CLCC1: variants seen among roughly 807,000 people sequenced by gnomAD.
CLCC1 encodes the protein chloride channel CLIC like 1, also known as chloride channel CLIC-like protein 1.
A neutral mutation model predicts 63.3 loss-of-function variants in CLCC1; 39 were observed. That is an observed-to-expected ratio of 0.62 (90% confidence interval 0.48 to 0.81). The LOEUF (loss-of-function observed/expected upper bound fraction) is 0.81. Ranked by LOEUF, CLCC1 falls within the 30% of genes least tolerant of loss-of-function variation. CLCC1 has a pLI of 0.00. For synonymous variants in CLCC1, 217 were observed against 239.8 expected, an observed-to-expected ratio of 0.90 and a Z score of 0.88; for missense variants, 549 against 669.4, an observed-to-expected ratio of 0.82 and a Z score of 1.98.
intron 2 of CLCC1, among the ~76,000 whole-genome samples, chr1:108,956,218 G>T (rs1655872511): frequency 6.6e-6 from 1 of 151,394 alleles, no homozygotes; most frequent in Admixed American, 6.6e-5. Flanking sequence ...AGCCATGTGG[G>T]TGAGCCATCT....
At chr1:108,938,948 CTG>C (rs1365632658) in intron 10 of CLCC1, among the ~76,000 whole-genome samples, 4 of 151,852 alleles carry the variant, frequency 2.6e-5, no homozygotes, top group African/African-American at 7.3e-5. Context: ...TATAATATGT[CTG>C]TATCATTTAG....
intron 5 of CLCC1, among the ~76,000 whole-genome samples, chr1:108,945,746 T>C (rs1654451206): frequency 6.6e-6 from 1 of 152,240 alleles, no homozygotes; most frequent in South Asian, 2.1e-4. Flanking sequence ...AAATAATGGG[T>C]TTCCATAAAT....
intron 5 of CLCC1, 72 bp from the exon 6 acceptor site, chr1:108,944,129 C>T: frequency 9.0e-7 from 1 of 1,108,852 alleles, no homozygotes. Context: ...CATTTTAAGA[C>T]AAAAGCCAAT....
At chr1:108,939,811 T>G (rs1324177921) in intron 9 of CLCC1, 29 bp from the exon 10 acceptor site, 1 of 1,608,376 alleles carries the variant, frequency 6.2e-7, no homozygotes, top group African/African-American at 1.3e-5. Flanking sequence ...AACTTAATTT[T>G]CTCCTCACAG....
rs774017563 is a variant in CLCC1 at position 108,940,155 on chromosome 1, A to G, written c.797-13T>C. On this transcript the variant is annotated splice_polypyrimidine_tract_variant and intron_variant, in intron 8 of 12. Coordinates refer to ENST00000369969, the MANE Select transcript of CLCC1 (RefSeq NM_001377458.1). ...CTTCTAAACCATTCTGTTTAGAGAAACAGACAAAACACTGATCATTTCTTT... is the reference window on the plus strand; with the variant it reads ...CTTCTAAACCATTCTGTTTAGAGAAGCAGACAAAACACTGATCATTTCTTT... The G allele has an allele frequency of 5.3e-6, 8 of 1,501,526 alleles. No homozygotes were observed. The African/African-American group carries it at 1.1e-4, about 21-fold the overall frequency. The allele number at this position is 1,501,526 out of a possible 1,614,324, so 93.0% of individuals were successfully genotyped here.
chr1:108,936,137 G>C (rs1227613040), intron 11 of CLCC1, among the ~76,000 whole-genome samples: 3 of 131,682 alleles, frequency 2.3e-5, no homozygotes, highest in African/African-American at 8.6e-5. Context: ...CTGTCACCCA[G>C]GCTGGAGTGC....
intron 7 of CLCC1, among the ~76,000 whole-genome samples, chr1:108,941,779 G>T (rs170929): frequency 3.2e-4 from 49 of 151,974 alleles, no homozygotes; most frequent in Admixed American, 1.6e-3. Context: ...TCAGCTTCCC[G>T]AGTAGCTGGG....
chr1:108,936,095 T>G (rs999958037), intron 11 of CLCC1, among the ~76,000 whole-genome samples: 4 of 143,858 alleles, frequency 2.8e-5, no homozygotes, highest in Non-Finnish European at 4.6e-5. Flanking sequence ...GTTTTTTTTT[T>G]TTTTTTTTTT....
Position 108,934,674 on chromosome 1 carries a change from C to A in CLCC1, c.1652G>T (p.Gly551Val). Reference protein sequence around the residue: ...RGQDPVSSPCG With the variant: ...RGQDPVSSPCV ...GTCGTTTGTGCTGGTGTTCCTCTAG[C>A]CACAGGGGCTGCTGACCGGATCCTG... is the stretch of plus-strand genomic sequence containing the variant. The change falls in exon 12 of 13, where the codon GGC (glycine) becomes GTC (valine). Residue 551 changes from glycine to valine, a missense_variant. Coordinates refer to ENST00000369969, the MANE Select transcript of CLCC1 (RefSeq NM_001377458.1). The A allele has an allele frequency of 6.2e-7, 1 of 1,612,420 alleles. No homozygotes were observed. The highest frequency in any genetic ancestry group is 8.5e-7 in the Non-Finnish European group (1 of 1,179,476).
rs751417301 is a variant in CLCC1 at position 108,939,698 on chromosome 1, T to A, written c.979A>T (p.Met327Leu). ...KGTGEFIKALMKEIPALLHLP... is the reference protein window; with the variant it reads ...KGTGEFIKALLKEIPALLHLP... The stretch of plus-strand genomic sequence containing the variant: ...TGAAGCAGCGCTGGAATTTCCTTCA[T>A]GAGTGCTTTAATAAATTCCCCAGTT... The change falls in exon 10 of 13, where the codon ATG becomes TTG. Residue 327 changes from methionine (M) to leucine (L), a missense_variant. Transcript: ENST00000369969. 10 of 1,614,196 alleles carry A rather than the reference T, an allele frequency of 6.2e-6. No individual in the cohort carries two copies. The highest frequency in any genetic ancestry group is 3.3e-5 in the Admixed American group (2 of 60,010).
rs546507960 is a variant in CLCC1 at position 108,957,312 on chromosome 1, C to T, written c.-12+4997G>A. On this transcript the variant is annotated intron_variant, in intron 2 of 12. Coordinates refer to ENST00000369969, the MANE Select transcript of CLCC1 (RefSeq NM_001377458.1). ...AATAGTTAAGTTCTAGCCAACCCAA[C>T]GGATAGAAGGGATATGCACCACATC... Among the ~76,000 whole-genome samples, 29 of 151,488 alleles carry T rather than the reference C, an allele frequency of 1.9e-4. 1 individual carries two copies. The highest frequency in any genetic ancestry group is 3.4e-3 in the Middle Eastern group (1 of 294).
chr1:108,934,943 C>CT lies in CLCC1; in HGVS notation c.1384-2dup, dbSNP rs756982676. 1.9e-6 allele frequency: 3 copies of CT among 1,595,770 alleles called. No individual in the cohort carries two copies. In the South Asian group the frequency reaches 3.4e-5, roughly 18 times the overall value. ...TTGTATCCAAAACAGGTGATTTATG[C>CT]TATAAAGTACAAAATTACATTTTAA... On this transcript the variant is annotated splice_acceptor_variant, in intron 11 of 12. Transcript: ENST00000369969. LOFTEE classifies it high-confidence loss of function.
chr1:108,937,733 T>C (rs1156703541), intron 10 of CLCC1, among the ~76,000 whole-genome samples: 1 of 152,250 alleles, frequency 6.6e-6, no homozygotes, highest in Non-Finnish European at 1.5e-5. Context: ...TAATTATTCA[T>C]GTTTCTAGAT....
In CLCC1 at chr1:108,929,830, C is replaced by G. The variant is rs1651600532; in HGVS notation, c.*2717G>C. 8 of 1,614,024 alleles carry G rather than the reference C, an allele frequency of 5.0e-6. No individual in the cohort carries two copies. The highest frequency in any genetic ancestry group is 6.8e-6 in the Non-Finnish European group (8 of 1,179,952). ...AAAGAGAATGGATGAACAGAGAGTT[C>G]TTTTACAAAGAGATCAAAACAGAGA... is the stretch of plus-strand genomic sequence containing the variant. On this transcript the variant is annotated 3_prime_UTR_variant, in exon 13 of 13. Coordinates refer to ENST00000369969, the MANE Select transcript of CLCC1 (RefSeq NM_001377458.1).
intron 4 of CLCC1, among the ~76,000 whole-genome samples, chr1:108,948,650 GAAA>G (rs61417692): frequency 7.2e-6 from 1 of 138,070 alleles, no homozygotes. Context: ...AACAACTTAG[GAAA>G]AAAAAAAAAA....
At position 108,944,009 on chromosome 1, in the gene CLCC1, T is replaced by C. The variant is rs1479028137; in HGVS notation, c.388A>G (p.Lys130Glu). Reference protein sequence around the residue: ...DMHYDAEIILKRETLLEIQKF... With the variant: ...DMHYDAEIILERETLLEIQKF... ...TGTATTTCTAACAAAGTTTCTCTTT[T>C]AAGGATAATCTCAGCATCATAATGC... Residue 130 changes from lysine to glutamate, a missense_variant, in exon 6 of 13, where the codon AAA becomes GAA. Physicochemically the swap from Lys to Glu is moderately conservative, Grantham distance 56. Coordinates refer to ENST00000369969, the MANE Select transcript of CLCC1 (RefSeq NM_001377458.1). 4 of 1,613,344 alleles carry C rather than the reference T, an allele frequency of 2.5e-6. No individual in the cohort carries two copies. Among genetic ancestry groups the C allele is most frequent in the South Asian group, 1.1e-5 (1 of 90,724 alleles).
rs1208760816 is a variant in CLCC1 at position 108,944,479 on chromosome 1, AAAT to A, written c.340-425_340-423del. Among the ~76,000 whole-genome samples, 11 of 152,192 alleles carry A rather than the reference AAAT, an allele frequency of 7.2e-5. No homozygotes were observed. The East Asian group carries it at 1.2e-3, about 16-fold the overall frequency. On this transcript the variant is annotated intron_variant, in intron 5 of 12. Transcript: ENST00000369969. ...GTAAGACCCTGTCTCTAAAAAAAAA[AAAT>A]AATAATAATATCCACCTGTCTTCAC...
intron 1 of CLCC1, 76 bp from the exon 2 acceptor site, chr1:108,962,545 G>C (rs183469944): frequency 1.3e-5 from 2 of 152,244 alleles, no homozygotes; most frequent in African/African-American, 4.8e-5. Context: ...TAAACCTACA[G>C]CTTATGGTGT....
intron 11 of CLCC1, 121 bp downstream of exon 11, chr1:108,936,956 C>T (rs112681976): frequency 2.7e-4 from 149 of 550,794 alleles, no homozygotes; most frequent in African/African-American, 2.5e-3. Flanking sequence ...GAGTGAGTGG[C>T]TGTATCACTC....
Sources: gnomAD v4.1 joint callset for allele counts (sites outside exome capture counted in the v4.1 genomes callset) on GRCh38, gnomAD v4.1.1 for gene constraint, MANE v1.5 for transcripts, NCBI Gene and HGNC (gene_info 2026-07-23, HGNC 2026-07-21) for gene names.